RHOA: variants seen among roughly 807,000 people sequenced by gnomAD.
RHOA encodes the protein ras homolog family member A, also known as transforming protein RhoA.
In RHOA, 3 loss-of-function variants were observed where a neutral mutation model predicts 17.5. The ratio of observed to expected loss-of-function variants is 0.17; its 90% CI spans 0.08 to 0.44. RHOA has a LOEUF of 0.44. Ranked by LOEUF, RHOA falls within the 20% of genes least tolerant of loss-of-function variation. The pLI is 0.99. For synonymous variants in RHOA, 98 were observed against 88.4 expected (o/e 1.11, Z -0.61); for missense variants, 56 against 242.3 (o/e 0.23, Z 5.10).
At chr3:49,393,221 C>G (rs1048176875) in intron 1 of RHOA, among the ~76,000 whole-genome samples, 1 of 152,066 alleles carries the variant, frequency 6.6e-6, no homozygotes, top group Non-Finnish European at 1.5e-5. Flanking sequence ...GTGCTCCCAT[C>G]CATCTTTTAC....
intron 3 of RHOA, chr3:49,366,426 A>C (rs1259452553): frequency 6.6e-6 from 1 of 152,178 alleles, no homozygotes; most frequent in African/African-American, 2.4e-5. Context: ...AACACGGAGA[A>C]ACCCGGTCTC....
chr3:49,390,744 A>G (rs2048488071), intron 1 of RHOA, among the ~76,000 whole-genome samples: 1 of 152,202 alleles, frequency 6.6e-6, no homozygotes, highest in Non-Finnish European at 1.5e-5. Flanking sequence ...AGAAACTGAA[A>G]AAATCTATTT....
chr3:49,404,253 T>C (rs2048774267), intron 1 of RHOA, among the ~76,000 whole-genome samples: 1 of 147,990 alleles, frequency 6.8e-6, no homozygotes, highest in African/African-American at 2.5e-5. Context: ...CCATGAGCTA[T>C]GACTGTGCCA....
At chr3:49,389,931 C>A in intron 1 of RHOA, among the ~76,000 whole-genome samples, 1 of 44,646 alleles carries the variant, frequency 2.2e-5, no homozygotes. Context: ...AGTGAGACTC[C>A]ACCTCAAAAA....
intron 4 of RHOA, 135 bp from the exon 5 acceptor site, chr3:49,360,517 G>A (rs1457118586): frequency 1.2e-6 from 1 of 853,850 alleles, no homozygotes; most frequent in Non-Finnish European, 1.7e-6. Context: ...GCCCAGGCTG[G>A]AGGGCAATGG....
chr3:49,396,394 T>C (rs1462980986), intron 1 of RHOA, among the ~76,000 whole-genome samples: 3 of 151,990 alleles, frequency 2.0e-5, no homozygotes, highest in Non-Finnish European at 2.9e-5. Flanking sequence ...GCCAACATGG[T>C]GAGACCCTGA....
intron 1 of RHOA, among the ~76,000 whole-genome samples, chr3:49,395,065 C>T (rs976162576): frequency 8.0e-5 from 12 of 150,430 alleles, no homozygotes; most frequent in African/African-American, 2.4e-4. Flanking sequence ...TTGGCTAACA[C>T]GGTGAAATCA....
chr3:49,384,803 G>A (rs764908559), intron 1 of RHOA, among the ~76,000 whole-genome samples: 11 of 152,104 alleles, frequency 7.2e-5, no homozygotes, highest in African/African-American at 2.7e-4. Context: ...GCTCACGCCT[G>A]TAATCCAAGT....
chr3:49,362,640 G>A lies in RHOA; in HGVS notation c.278-14C>T, dbSNP rs772236140. 1 of 1,605,546 alleles carries A rather than the reference G, an allele frequency of 6.2e-7. No individual in the cohort carries two copies. Among genetic ancestry groups the A allele is most frequent in the Non-Finnish European group, 8.5e-7 (1 of 1,175,484 alleles). ...CTGGGATGTTTTCTGAAAGAAAAAT[G>A]TAGAGAATTTGGGGATACATACAAT... On this transcript the variant is annotated splice_polypyrimidine_tract_variant and intron_variant, in intron 3 of 4. Transcript: ENST00000418115.
chr3:49,404,937 C>T (rs1311904868), intron 1 of RHOA, among the ~76,000 whole-genome samples: 1 of 127,854 alleles, frequency 7.8e-6, no homozygotes, highest in African/African-American at 3.0e-5. Context: ...AGACTCTTGT[C>T]TCCAAAAAAA....
At chr3:49,371,140 T>C (rs1363567799) in intron 2 of RHOA, among the ~76,000 whole-genome samples, 1 of 152,154 alleles carries the variant, frequency 6.6e-6, no homozygotes, top group African/African-American at 2.4e-5. Flanking sequence ...ATCCAGCCTC[T>C]ATTGGCGCTT....
At chr3:49,399,942 T>C (rs1305431492) in intron 1 of RHOA, among the ~76,000 whole-genome samples, 1 of 151,902 alleles carries the variant, frequency 6.6e-6, no homozygotes, top group Non-Finnish European at 1.5e-5. Flanking sequence ...CAGAAACGGC[T>C]GGGCACGGTG....
chr3:49,397,757 T>C (rs1207278089), intron 1 of RHOA, among the ~76,000 whole-genome samples: 1 of 151,816 alleles, frequency 6.6e-6, no homozygotes, highest in Admixed American at 6.6e-5. Context: ...CGCTTGCAAG[T>C]GGAAGGGCTG....
At chr3:49,383,698 T>C (rs978360647) in intron 1 of RHOA, among the ~76,000 whole-genome samples, 1 of 152,020 alleles carries the variant, frequency 6.6e-6, no homozygotes, top group Non-Finnish European at 1.5e-5. Context: ...CCAGACTCTG[T>C]CTCCACCTTT....
intron 1 of RHOA, among the ~76,000 whole-genome samples, chr3:49,390,083 A>G (rs974813300): frequency 4.6e-5 from 7 of 151,884 alleles, no homozygotes; most frequent in African/African-American, 1.5e-4. Flanking sequence ...CCGTCCATCT[A>G]TAATACCCAC....
chr3:49,387,457 A>T (rs2048418412), intron 1 of RHOA, among the ~76,000 whole-genome samples: 1 of 144,678 alleles, frequency 6.9e-6, no homozygotes, highest in African/African-American at 2.5e-5. Flanking sequence ...GGAAAAAAAA[A>T]AAAAGGGTCG....
intron 1 of RHOA, among the ~76,000 whole-genome samples, chr3:49,376,278 T>A (rs1377939119): frequency 6.6e-6 from 1 of 152,106 alleles, no homozygotes; most frequent in Non-Finnish European, 1.5e-5. Flanking sequence ...GATTTTGTAA[T>A]GTGGGAAATC....
In RHOA at chr3:49,407,232, G is replaced by GTTTTT. The variant is rs61556875; in HGVS notation, c.-3+4583_-3+4587dup. Among the ~76,000 whole-genome samples the GTTTTT allele has an allele frequency of 6.0e-4, 42 of 70,036 alleles. 1 individual carries two copies. Among genetic ancestry groups the GTTTTT allele is most frequent in the East Asian group, 1.3e-3 (2 of 1,582 alleles). The allele number at this position is 70,036 out of a possible 152,430, so 45.9% of individuals were successfully genotyped here. On this transcript the variant is annotated intron_variant, in intron 1 of 4. Coordinates refer to ENST00000418115, the MANE Select transcript of RHOA (RefSeq NM_001664.4). ...AAATTAATATTATGAAATCCTTTCC[G>GTTTTT]TTTTTTTTTTTTTTTTTTTTTTTTT...
intron 1 of RHOA, among the ~76,000 whole-genome samples, chr3:49,408,715 AGT>A (rs1255442582): frequency 6.6e-6 from 1 of 152,214 alleles, no homozygotes; most frequent in Non-Finnish European, 1.5e-5. Flanking sequence ...ATTAATGTGT[AGT>A]TACAAGCAAA....
Sources: gnomAD v4.1 joint callset for allele counts (sites outside exome capture counted in the v4.1 genomes callset) on GRCh38, gnomAD v4.1.1 for gene constraint, MANE v1.5 for transcripts, NCBI Gene and HGNC (gene_info 2026-07-23, HGNC 2026-07-21) for gene names.